PHC1: variants seen among roughly 807,000 people sequenced by gnomAD.
PHC1 encodes polyhomeotic homolog 1, also known as polyhomeotic-like protein 1.
A neutral mutation model predicts 104.3 loss-of-function variants in PHC1; 12 were observed. The observed-to-expected ratio is 0.12, with a 90% CI of 0.07 to 0.19. The LOEUF (loss-of-function observed/expected upper bound fraction) is 0.19, where lower values mean the gene tolerates loss of function less well. Ranked by LOEUF, PHC1 falls within the 10% of genes least tolerant of loss-of-function variation. The pLI is 1.00. For synonymous variants in PHC1, 302 were observed against 455.8 expected (o/e 0.66, Z 4.30); for missense variants, 671 against 1,200.0 (o/e 0.56, Z 6.51).
chr12:8,932,493 T>TAAAA, intron 7 of PHC1, 70 bp from the exon 8 acceptor site: 1 of 1,526,030 alleles, frequency 6.6e-7, no homozygotes, highest in Non-Finnish European at 9.0e-7. Context: ...ATGAATTTAC[T>TAAAA]TTTAATTTAG....
intron 6 of PHC1, among the ~76,000 whole-genome samples, chr12:8,923,257 G>GT (rs1945416576): frequency 6.6e-6 from 1 of 152,136 alleles, no homozygotes; most frequent in Non-Finnish European, 1.5e-5. Flanking sequence ...CCTGTTCACT[G>GT]TTTTTTCCCA....
intron 6 of PHC1, among the ~76,000 whole-genome samples, chr12:8,926,027 G>A (rs1028456262): frequency 2.6e-5 from 4 of 152,290 alleles, no homozygotes; most frequent in Non-Finnish European, 4.4e-5. Context: ...TTTAGTAGAT[G>A]GGGGAATTAA....
At chr12:8,935,886 G>A (rs138351915) in intron 11 of PHC1, among the ~76,000 whole-genome samples, 8 of 151,888 alleles carry the variant, frequency 5.3e-5, no homozygotes, top group African/African-American at 1.9e-4. Flanking sequence ...TCAGCCTCCC[G>A]AGTAACTGGG....
chr12:8,927,228 G>A (rs2137090885), intron 6 of PHC1, among the ~76,000 whole-genome samples: 1 of 152,326 alleles, frequency 6.6e-6, no homozygotes, highest in East Asian at 1.9e-4. Flanking sequence ...TGTTTCAGTT[G>A]TTTGGGGGGT....
rs184951632 is a variant in PHC1 at position 8,935,481 on chromosome 12, C to T, written c.2368+243C>T. ...TCTCTACTACAAATACAAAAATTAG[C>T]CTGGTGTGGCAGCATGCGTCTATAG... is the stretch of plus-strand genomic sequence containing the variant. On this transcript the variant is annotated intron_variant, in intron 11 of 14. Transcript: ENST00000544916. Among the ~76,000 whole-genome samples, 4 of 152,062 alleles carry T rather than the reference C, an allele frequency of 2.6e-5. No individual in the cohort carries two copies. In the East Asian group the frequency reaches 7.8e-4, roughly 30 times the overall value.
intron 9 of PHC1, 28 bp downstream of exon 9, chr12:8,934,040 G>A (rs201813302): frequency 1.9e-6 from 3 of 1,611,530 alleles, no homozygotes; most frequent in Non-Finnish European, 2.5e-6. Context: ...AATGCTGTTG[G>A]AGAGCACACA....
chr12:8,933,879 A>C lies in PHC1; in HGVS notation c.1908A>C (p.Thr636=), dbSNP rs371446304. 1.9e-6 allele frequency: 3 copies of C among 1,613,434 alleles called. No individual in the cohort carries two copies. The highest frequency in any genetic ancestry group is 2.5e-6 in the Non-Finnish European group (3 of 1,179,312). ...TTACGGTATAGGGTAAACCCCAGAC[A>C]TTGGCTGTCAAACGCAAGGCTGACT... is the stretch of plus-strand genomic sequence containing the variant. ...QSVHLPGKPQ[T]LAVKRKADSE... Residue 636 remains threonine (T), a synonymous_variant, in exon 9 of 15, where the codon ACA becomes ACC. Transcript: ENST00000544916.
At position 8,936,984 on chromosome 12, in the gene PHC1, C is replaced by T. The variant is rs777763441; in HGVS notation, c.2477+20C>T. 7.1e-6 allele frequency: 11 copies of T among 1,548,900 alleles called. No homozygotes were observed. The highest frequency in any genetic ancestry group is 9.8e-6 in the Non-Finnish European group (11 of 1,121,430). On this transcript the variant is annotated intron_variant, in intron 12 of 14. Transcript: ENST00000544916. The stretch of plus-strand genomic sequence containing the variant: ...TAAGAGGTACTCTGGGCACCCTCCT[C>T]CTTGCCCTCAGCACTGGTATCTCCA...
At chr12:8,933,597 A>G (rs1389694759) in intron 8 of PHC1, 4 of 623,462 alleles carry the variant, frequency 6.4e-6, no homozygotes, top group South Asian at 2.6e-5. Context: ...CCTTAACCAA[A>G]TCAGTCTTTG....
intron 10 of PHC1, 116 bp downstream of exon 10, chr12:8,934,594 T>C (rs1945781977): frequency 1.5e-6 from 1 of 655,552 alleles, no homozygotes; most frequent in Admixed American, 3.3e-5. Flanking sequence ...AATGGTTCAA[T>C]TACGCTATTT....
rs1042064507 is a variant in PHC1, at chr12:8,919,235, A to G, written c.115-521A>G. On this transcript the variant is annotated intron_variant, in intron 2 of 14. Coordinates refer to ENST00000544916, the MANE Select transcript of PHC1 (RefSeq NM_004426.3). This position sits in a 1 kb window ranked among gnomAD's most constrained non-coding sequence, Gnocchi z 4.9. ...CCACCACGCCCAGCTAATTTTTTGT[A>G]TTTTTAGTAGAGGCGGAGTTTCACC... Among the ~76,000 whole-genome samples the G allele has an allele frequency of 6.6e-6, 1 of 152,000 alleles. No individual in the cohort carries two copies. Among genetic ancestry groups the G allele is most frequent in the Non-Finnish European group, 1.5e-5 (1 of 67,988 alleles).
At chr12:8,931,556 C>G (rs928813885) in intron 7 of PHC1, among the ~76,000 whole-genome samples, 1 of 152,080 alleles carries the variant, frequency 6.6e-6, no homozygotes, top group African/African-American at 2.4e-5. Flanking sequence ...AAAAATTAGC[C>G]GGGCGTAGTG....
rs111674759 is a variant in PHC1 at position 8,919,550 on chromosome 12, G to A, written c.115-206G>A. On this transcript the variant is annotated intron_variant, in intron 2 of 14. Transcript: ENST00000544916. This position sits in a 1 kb window ranked among gnomAD's most constrained non-coding sequence, Gnocchi z 4.9. ...TGAGGTTACAGTAAACTATGATCAC[G>A]CCACTGTGCTCCAGCCTGGTGATAG... 3.3e-5 allele frequency among the ~76,000 whole-genome samples: 5 copies of A among 152,096 alleles called. No individual in the cohort carries two copies. The highest frequency in any genetic ancestry group is 9.7e-5 in the African/African-American group (4 of 41,416).
At position 8,933,953 on chromosome 12, in the gene PHC1, C is replaced by T; in HGVS notation, c.1982C>T (p.Ala661Val). ...DVSTLGSMLP[A>V]KASPVAESPK... The stretch of plus-strand genomic sequence containing the variant: ...TCCACATTGGGTTCAATGCTTCCTG[C>T]CAAGGCATCTCCAGTAGCAGAAAGC... Residue 661 changes from alanine (A) to valine (V), a missense_variant, in exon 9 of 15, where the codon GCC (alanine) becomes GTC (valine). This residue lies in a region of PHC1 where 95 missense variants were observed against 108.8 expected (regional missense o/e 0.87). Transcript: ENST00000544916. The T allele has an allele frequency of 6.2e-7, 1 of 1,613,554 alleles. No individual in the cohort carries two copies. Among genetic ancestry groups the T allele is most frequent in the Non-Finnish European group, 8.5e-7 (1 of 1,179,464 alleles).
intron 2 of PHC1, among the ~76,000 whole-genome samples, chr12:8,918,367 G>T (rs1351088162): frequency 6.6e-6 from 1 of 152,182 alleles, no homozygotes; most frequent in South Asian, 2.1e-4. Flanking sequence ...AGTTGAATTC[G>T]TTGAAAATTT....
chr12:8,937,287 T>G lies in PHC1; in HGVS notation c.2589T>G (p.Ser863=). 6.2e-7 allele frequency: 1 copy of G among 1,611,636 alleles called. No homozygotes were observed. The highest frequency in any genetic ancestry group is 8.5e-7 in the Non-Finnish European group (1 of 1,178,782). The change falls in exon 13 of 15, where the codon TCT becomes TCG. Residue 863 remains serine (S), a synonymous_variant. Transcript: ENST00000544916. The part of the protein sequence containing the change: ...VRRRGPRRSS[S]DIARAKIQGK... ...GGCGTGGACCCCGCCGCAGCTCCTC[T>G]GACATTGCCCGTGCCAAGATTCAGG... is the stretch of plus-strand genomic sequence containing the variant.
chr12:8,921,181 G>T, intron 4 of PHC1, 116 bp downstream of exon 4: 1 of 712,948 alleles, frequency 1.4e-6, no homozygotes, highest in South Asian at 1.9e-5. Flanking sequence ...GATAGTTACT[G>T]CTTTTAAGTA....
chr12:8,914,078 G>C (rs1409606331), upstream of PHC1: 1 of 152,282 alleles, frequency 6.6e-6, no homozygotes, highest in Admixed American at 6.6e-5. Context: ...TCGTTGCTTT[G>C]CTCTTTCTCC....
At chr12:8,935,300 T>C (rs910446350) in intron 11 of PHC1, 62 bp downstream of exon 11, 6 of 881,484 alleles carry the variant, frequency 6.8e-6, no homozygotes, top group Non-Finnish European at 1.1e-5. Flanking sequence ...GTTTGAGGAC[T>C]CGGTGTAAAA....
Sources: allele counts gnomAD v4.1 joint callset (sites outside exome capture counted in the v4.1 genomes callset), GRCh38; gene constraint gnomAD v4.1.1; regional missense constraint gnomAD v4.1.1; non-coding constraint Gnocchi (gnomAD v3.1); transcripts MANE v1.5; gene names NCBI Gene and HGNC (gene_info 2026-07-23, HGNC 2026-07-21).